OPCML: variants seen among roughly 807,000 people sequenced by gnomAD.
OPCML encodes the protein opioid binding protein/cell adhesion molecule like, also known as opioid-binding protein/cell adhesion molecule.
In OPCML, 13 loss-of-function variants were observed where a neutral mutation model predicts 37.8. The ratio of observed to expected loss-of-function variants is 0.34; its 90% CI spans 0.22 to 0.55. OPCML has a LOEUF of 0.55. OPCML is among the 20% of genes least tolerant of loss of function. The pLI, the probability that OPCML is intolerant of heterozygous loss-of-function variation, is 0.91. For synonymous variants in OPCML, 176 were observed against 168.8 expected (o/e 1.04, Z -0.33); for missense variants, 341 against 435.6 (o/e 0.78, Z 1.93).
At chr11:132,967,537 T>A (rs867784461) in intron 1 of OPCML, among the ~76,000 whole-genome samples, 1 of 152,140 alleles carries the variant, frequency 6.6e-6, no homozygotes, top group African/African-American at 2.4e-5. Flanking sequence ...TTCATTACTC[T>A]AATAAAAGTT....
Position 133,207,287 on chromosome 11 carries a change from G to A in OPCML, c.62-264277C>T, listed in dbSNP as rs866597913. ...TGCCCTCCAGCCTGGGCGACAGAGTGAGACTCCATCTCAAAAACAAAAAAC... is the reference window on the plus strand; with the variant it reads ...TGCCCTCCAGCCTGGGCGACAGAGTAAGACTCCATCTCAAAAACAAAAAAC... On this transcript the variant is annotated intron_variant, in intron 1 of 7. Coordinates refer to ENST00000524381, the MANE Select transcript of OPCML (RefSeq NM_001012393.5). Among the ~76,000 whole-genome samples, 5 of 152,036 alleles carry A rather than the reference G, an allele frequency of 3.3e-5. 1 individual carries two copies. The highest frequency in any genetic ancestry group is 3.2e-3 in the Middle Eastern group (1 of 316).
chr11:133,128,021 C>T (rs1949543466), intron 1 of OPCML, among the ~76,000 whole-genome samples: 2 of 152,262 alleles, frequency 1.3e-5, no homozygotes, highest in South Asian at 2.1e-4. Context: ...CACATCACCA[C>T]AGCATGACTG....
chr11:133,096,208 T>C (rs1437422471), intron 1 of OPCML, among the ~76,000 whole-genome samples: 1 of 151,806 alleles, frequency 6.6e-6, no homozygotes, highest in Non-Finnish European at 1.5e-5. Flanking sequence ...GGGGAATAAA[T>C]GAATTTAGGA....
chr11:132,488,150 C>T (rs1344895789), intron 4 of OPCML, among the ~76,000 whole-genome samples: 8 of 152,202 alleles, frequency 5.3e-5, no homozygotes, highest in Admixed American at 5.2e-4. Context: ...TTCCTCTTTA[C>T]CTGGAGAACA....
intron 1 of OPCML, among the ~76,000 whole-genome samples, chr11:133,447,753 T>G (rs1183011824): frequency 6.6e-6 from 1 of 152,248 alleles, no homozygotes; most frequent in Non-Finnish European, 1.5e-5. Context: ...TACCACATTT[T>G]ATTTATCCAG....
intron 2 of OPCML, among the ~76,000 whole-genome samples, chr11:132,658,299 AGCACCT>A (rs1374179589): frequency 6.6e-6 from 1 of 152,234 alleles, no homozygotes; most frequent in Non-Finnish European, 1.5e-5. Flanking sequence ...ACTTGAGTCC[AGCACCT>A]GCAGGTGAGG....
intron 2 of OPCML, among the ~76,000 whole-genome samples, chr11:132,670,733 AT>A (rs953687059): frequency 1.5e-4 from 23 of 151,410 alleles, no homozygotes; most frequent in African/African-American, 4.1e-4. Context: ...CAAAGAAACT[AT>A]TTTTTTTTAG....
At chr11:132,987,082 C>G (rs995704924) in intron 1 of OPCML, among the ~76,000 whole-genome samples, 3 of 152,140 alleles carry the variant, frequency 2.0e-5, no homozygotes, top group African/African-American at 4.8e-5. Flanking sequence ...TCCCTCTTCA[C>G]CTCTTCTTTC....
intron 2 of OPCML, among the ~76,000 whole-genome samples, chr11:132,739,470 A>C (rs1213204820): frequency 6.6e-6 from 1 of 152,206 alleles, no homozygotes; most frequent in Non-Finnish European, 1.5e-5. Context: ...AACAGCTGTG[A>C]TGTCTGAAAA....
chr11:132,968,474 A>T (rs1946264330), intron 1 of OPCML, among the ~76,000 whole-genome samples: 1 of 152,056 alleles, frequency 6.6e-6, no homozygotes, highest in Non-Finnish European at 1.5e-5. Context: ...TCTCAGCTTC[A>T]AATCTTTTTT....
chr11:133,499,785 TA>T, intron 1 of OPCML, among the ~76,000 whole-genome samples: 1 of 141,930 alleles, frequency 7.0e-6, no homozygotes, highest in African/African-American at 2.7e-5. Context: ...TATATATATA[TA>T]TACACATATA....
chr11:133,094,487 C>G (rs1015323248), intron 1 of OPCML, among the ~76,000 whole-genome samples: 2 of 152,178 alleles, frequency 1.3e-5, no homozygotes, highest in African/African-American at 4.8e-5. Flanking sequence ...CCTTTCAATG[C>G]CACCATCTCA....
intron 2 of OPCML, among the ~76,000 whole-genome samples, chr11:132,667,508 G>A (rs189764046): frequency 1.4e-3 from 216 of 152,304 alleles, no homozygotes; most frequent in African/African-American, 5.1e-3. Flanking sequence ...ATCAATGGGA[G>A]CAAGTGCTAA....
Position 132,648,573 on chromosome 11 carries a change from G to T in OPCML, c.379+8514C>A, listed in dbSNP as rs1339323652. The stretch of plus-strand genomic sequence containing the variant: ...CTTGCTCTGTCACCCAGGCTGGAGT[G>T]CAGGGGTGTGATCTTGGCTCACTGC... On this transcript the variant is annotated intron_variant, in intron 3 of 7. Transcript: ENST00000524381. 6.7e-5 allele frequency among the ~76,000 whole-genome samples: 10 copies of T among 150,320 alleles called. 1 individual carries two copies. In the East Asian group the frequency reaches 1.8e-3, roughly 27 times the overall value.
chr11:133,044,487 C>A (rs751937491), intron 1 of OPCML, among the ~76,000 whole-genome samples: 52 of 152,066 alleles, frequency 3.4e-4, no homozygotes, highest in Non-Finnish European at 6.6e-4. Context: ...TGAGTCACAC[C>A]AGTCTTTAAA....
chr11:133,140,379 G>A (rs1171262794), intron 1 of OPCML, among the ~76,000 whole-genome samples: 3 of 148,680 alleles, frequency 2.0e-5, no homozygotes, highest in Non-Finnish European at 4.5e-5. Flanking sequence ...GCAGGGTGTG[G>A]CAGCGGGCAC....
chr11:133,513,592 T>C (rs1326728926), intron 1 of OPCML, among the ~76,000 whole-genome samples: 1 of 152,236 alleles, frequency 6.6e-6, no homozygotes, highest in Non-Finnish European at 1.5e-5. Flanking sequence ...TGCAAAAGAC[T>C]GCAGAGGCAG....
In OPCML at chr11:132,415,977, C is replaced by G. The variant is rs2095937214; in HGVS notation, c.*4216G>C. ...ACACCTGTGAAGTTTTACTCAAGTG[C>G]TCAAACTTATTTGTCTTCAAGTAAA... On this transcript the variant is annotated 3_prime_UTR_variant, in exon 8 of 8. Coordinates refer to ENST00000524381, the MANE Select transcript of OPCML (RefSeq NM_001012393.5). 1 of 152,522 alleles carries G rather than the reference C, an allele frequency of 6.6e-6. No individual in the cohort carries two copies. The highest frequency in any genetic ancestry group is 1.5e-5 in the Non-Finnish European group (1 of 68,032). 9.4% of individuals were successfully genotyped at this position (152,522 alleles called of 1,614,324 possible). A position where few individuals can be genotyped will look rare whatever the true frequency, so the allele number is the denominator to read the frequency against.
intron 4 of OPCML, among the ~76,000 whole-genome samples, chr11:132,459,172 C>T (rs1413013376): frequency 6.6e-6 from 1 of 152,122 alleles, no homozygotes; most frequent in Non-Finnish European, 1.5e-5. Context: ...GGAACCCGCT[C>T]CTGCCCTCTA....
Sources: gnomAD v4.1 joint callset for allele counts (sites outside exome capture counted in the v4.1 genomes callset) on GRCh38, gnomAD v4.1.1 for gene constraint, MANE v1.5 for transcripts, NCBI Gene and HGNC (gene_info 2026-07-23, HGNC 2026-07-21) for gene names.